The following HERC2 variants were observed in gnomAD, a reference collection of about 807,000 sequenced individuals.
HERC2 encodes the protein HECT and RLD domain containing E3 ubiquitin protein ligase 2.
In HERC2, 102 loss-of-function variants were observed where a neutral mutation model predicts 537.7. The observed-to-expected ratio is 0.19, with a 90% CI of 0.16 to 0.22. The LOEUF is 0.22. HERC2 is among the 10% of genes least tolerant of loss of function. The pLI is 1.00. For missense variants in HERC2, 4,236 were observed against 6,198.2 expected (o/e 0.68, Z 10.63); for synonymous variants, 2,224 against 2,466.2 (o/e 0.90, Z 2.91).
chr15:28,194,336 T>A (rs532359916), intron 52 of HERC2, among the ~76,000 whole-genome samples: 45 of 143,426 alleles, frequency 3.1e-4, no homozygotes, highest in African/African-American at 1.1e-3. Flanking sequence ...AGTGCTGGGA[T>A]TACAGGTGTG....
At chr15:28,310,251 G>C (rs181625743) in intron 2 of HERC2, among the ~76,000 whole-genome samples, 32 of 152,248 alleles carry the variant, frequency 2.1e-4, no homozygotes, top group African/African-American at 7.5e-4. Flanking sequence ...TACAAGACCA[G>C]CCTGAACAAC....
intron 48 of HERC2, 144 bp from the exon 49 acceptor site, chr15:28,198,913 T>C (rs1897621682): frequency 2.7e-6 from 2 of 747,048 alleles, no homozygotes; most frequent in East Asian, 5.2e-5. Context: ...TTTGGGAGGC[T>C]GAGGTGGGAG....
chr15:28,223,045 T>C (rs576066236), intron 35 of HERC2, among the ~76,000 whole-genome samples: 5 of 151,930 alleles, frequency 3.3e-5, no homozygotes, highest in East Asian at 3.9e-4. Context: ...TTCAACTACA[T>C]GCTGAGTCTT....
chr15:28,198,570 A>C (rs764787576), intron 49 of HERC2, 31 bp downstream of exon 49: 2 of 1,609,574 alleles, frequency 1.2e-6, no homozygotes, highest in Admixed American at 1.7e-5. Flanking sequence ...TCTAAGAAAA[A>C]ACAAAAGCAC....
chr15:28,209,812 T>C (rs1345913234), intron 44 of HERC2, among the ~76,000 whole-genome samples: 1 of 152,120 alleles, frequency 6.6e-6, no homozygotes, highest in African/African-American at 2.4e-5. Context: ...TACCATCATT[T>C]TGAATGGCAC....
chr15:28,187,622 C>T (rs950931132), intron 55 of HERC2, among the ~76,000 whole-genome samples: 1 of 152,142 alleles, frequency 6.6e-6, no homozygotes. Flanking sequence ...AGTGAGCCAC[C>T]GCGCCTGGCC....
intron 34 of HERC2, 83 bp from the exon 35 acceptor site, chr15:28,228,492 A>G (rs1483682480): frequency 7.8e-6 from 10 of 1,280,098 alleles, no homozygotes; most frequent in Admixed American, 1.9e-5. Context: ...CGATTACTCT[A>G]AACATCTGAC....
chr15:28,224,797 C>A (rs1426440710), intron 35 of HERC2, among the ~76,000 whole-genome samples: 1 of 152,056 alleles, frequency 6.6e-6, no homozygotes, highest in African/African-American at 2.4e-5. Flanking sequence ...TAAAATCATA[C>A]AAATTACCTT....
chr15:28,313,856 A>G (rs2077010711), intron 2 of HERC2, among the ~76,000 whole-genome samples: 1 of 152,032 alleles, frequency 6.6e-6, no homozygotes. Flanking sequence ...AGGCCCAGAG[A>G]ACCTAAGCAA....
At chr15:28,169,439 A>G (rs767423527) in intron 66 of HERC2, 45 bp downstream of exon 66, 3 of 1,396,016 alleles carry the variant, frequency 2.1e-6, no homozygotes, top group Non-Finnish European at 3.0e-6. Flanking sequence ...AAAAATGTGA[A>G]GCTCACATAA....
At chr15:28,193,684 ACT>A (rs1186101340) in intron 52 of HERC2, among the ~76,000 whole-genome samples, 2 of 152,004 alleles carry the variant, frequency 1.3e-5, no homozygotes, top group Admixed American at 6.6e-5. Flanking sequence ...AAACAAAAAG[ACT>A]CTCTGAAAAG....
At chr15:28,151,542 C>A (rs1892451467) in intron 70 of HERC2, among the ~76,000 whole-genome samples, 1 of 151,636 alleles carries the variant, frequency 6.6e-6, no homozygotes, top group Non-Finnish European at 1.5e-5. Context: ...AGTATGAACT[C>A]AAAAGAATCC....
chr15:28,237,109 T>C lies in HERC2; in HGVS notation c.3857A>G (p.Asp1286Gly). Reference protein sequence around the residue: ...AFCVGQYLEPDQEIVTIPDLG... With the variant: ...AFCVGQYLEPGQEIVTIPDLG... Reference sequence around the variant, plus strand: ...ATCTGGTATGGTGACGATTTCTTGGTCAGGCTGGAAAAATAAATTTCATCA... The same window carrying C: ...ATCTGGTATGGTGACGATTTCTTGGCCAGGCTGGAAAAATAAATTTCATCA... The change falls in exon 26 of 93, where the codon GAC becomes GGC. Residue 1286 changes from aspartate to glycine, a missense_variant. Asp to Gly is a moderately conservative substitution (Grantham distance 94). Transcript: ENST00000261609. 6.4e-7 allele frequency: 1 copy of C among 1,555,610 alleles called. No homozygotes were observed. The highest frequency in any genetic ancestry group is 8.9e-7 in the Non-Finnish European group (1 of 1,128,538).
Position 28,238,819 on chromosome 15 carries a change from A to G in HERC2, c.3578-47T>C, listed in dbSNP as rs767382408. 3.9e-4 allele frequency: 539 copies of G among 1,377,888 alleles called. 4 individuals carry two copies. Among genetic ancestry groups the G allele is most frequent in the Admixed American group, 7.4e-4 (44 of 59,658 alleles). 85.4% of individuals were successfully genotyped at this position (1,377,888 alleles called of 1,614,324 possible). On this transcript the variant is annotated intron_variant, in intron 23 of 92. Coordinates refer to ENST00000261609, the MANE Select transcript of HERC2 (RefSeq NM_004667.6). ...TCAGTCCATTGATCAATCAACAGGT[A>G]AAATGAAAAGAACAAACTGTGTGAA...
At chr15:28,131,408 T>A (rs943929994) in intron 81 of HERC2, among the ~76,000 whole-genome samples, 8 of 151,888 alleles carry the variant, frequency 5.3e-5, no homozygotes, top group Admixed American at 1.3e-4. Context: ...CAGAGACAGG[T>A]TCGCAGCAAC....
intron 50 of HERC2, among the ~76,000 whole-genome samples, chr15:28,197,087 G>A (rs1361268055): frequency 1.3e-5 from 2 of 152,152 alleles, no homozygotes; most frequent in Non-Finnish European, 2.9e-5. Flanking sequence ...CTTAAGCAAA[G>A]AAAAATGTTT....
chr15:28,319,337 G>A (rs1168843761), intron 2 of HERC2, among the ~76,000 whole-genome samples: 1 of 152,144 alleles, frequency 6.6e-6, no homozygotes, highest in Non-Finnish European at 1.5e-5. Flanking sequence ...TGTAATCCCA[G>A]CAATTTGGGA....
At chr15:28,312,007 G>C (rs1334955763) in intron 2 of HERC2, among the ~76,000 whole-genome samples, 1 of 152,240 alleles carries the variant, frequency 6.6e-6, no homozygotes, top group African/African-American at 2.4e-5. Flanking sequence ...AAGAGGATAG[G>C]CCAGACCTTG....
chr15:28,212,898 T>C (rs1899417579), intron 42 of HERC2: 3 of 508,896 alleles, frequency 5.9e-6, no homozygotes, highest in Non-Finnish European at 7.6e-6. Flanking sequence ...CCTATAATAA[T>C]AAAAAAGAGT....
Sources: gnomAD v4.1 joint callset for allele counts (sites outside exome capture counted in the v4.1 genomes callset) on GRCh38, gnomAD v4.1.1 for gene constraint, MANE v1.5 for transcripts, NCBI Gene and HGNC (gene_info 2026-07-23, HGNC 2026-07-21) for gene names.